The following EGFR variants were observed in gnomAD, a reference collection of about 807,000 sequenced individuals.
The protein encoded by EGFR is epidermal growth factor receptor.
EGFR carries 58 observed loss-of-function variants against 143.0 expected under a neutral mutation model. The ratio of observed to expected loss-of-function variants is 0.41; its 90% CI spans 0.33 to 0.50. The LOEUF is 0.50. Ranked by LOEUF, EGFR falls within the 20% of genes least tolerant of loss-of-function variation. EGFR has a pLI of 0.39. For missense variants in EGFR, 1,307 were observed against 1,579.0 expected (o/e 0.83, Z 2.92); for synonymous variants, 613 against 594.4 (o/e 1.03, Z -0.45).
At chr7:55,203,126 CACAT>C (rs1213863814) in intron 27 of EGFR, 2 of 252,870 alleles carry the variant, frequency 7.9e-6, no homozygotes, top group Non-Finnish European at 1.5e-5. Flanking sequence ...TACACATACA[CACAT>C]ATACACACAC....
chr7:55,145,909 A>G (rs1441538967), intron 3 of EGFR, among the ~76,000 whole-genome samples: 2 of 152,138 alleles, frequency 1.3e-5, no homozygotes, highest in Non-Finnish European at 2.9e-5. Context: ...GCACTTGCAC[A>G]GGGTTTTGTA....
At chr7:55,129,002 TTTTA>T (rs1793689527) in intron 1 of EGFR, among the ~76,000 whole-genome samples, 1 of 152,382 alleles carries the variant, frequency 6.6e-6, no homozygotes, top group South Asian at 2.1e-4. Context: ...ATTCAACAAT[TTTTA>T]TTTATCTTTT....
At position 55,152,655 on chromosome 7, in the gene EGFR, C is replaced by T. The variant is rs772130986; in HGVS notation, c.738C>T (p.Ser246=). The change falls in exon 6 of 28, where the codon AGC becomes AGT. Residue 246 remains serine (S), a synonymous_variant. Coordinates refer to ENST00000275493, the MANE Select transcript of EGFR (RefSeq NM_005228.5). Reference sequence around the variant, plus strand: ...CAGGCTGCACAGGCCCCCGGGAGAGCGACTGCCTGGTAAGATGCCCCTCCA... The same window carrying T: ...CAGGCTGCACAGGCCCCCGGGAGAGTGACTGCCTGGTAAGATGCCCCTCCA... ...CAAGCTGPRE[S]DCLVCRKFRD... 35 of 1,613,410 alleles carry T rather than the reference C, an allele frequency of 2.2e-5. No individual in the cohort carries two copies. The highest frequency in any genetic ancestry group is 2.3e-5 in the Non-Finnish European group (27 of 1,179,868).
intron 1 of EGFR, among the ~76,000 whole-genome samples, chr7:55,071,407 A>G (rs1464663772): frequency 1.3e-5 from 2 of 152,190 alleles, no homozygotes; most frequent in African/African-American, 4.8e-5. Flanking sequence ...TTCTTTTTTC[A>G]TTATTCGGAA....
chr7:55,138,859 G>T (rs1464978862), intron 1 of EGFR, among the ~76,000 whole-genome samples: 1 of 152,206 alleles, frequency 6.6e-6, no homozygotes, highest in Non-Finnish European at 1.5e-5. Context: ...ATTGGCATCT[G>T]CTTGGCAGCT....
At chr7:55,154,177 T>C (rs2128935264) in intron 7 of EGFR, 25 bp downstream of exon 7, 2 of 1,614,212 alleles carry the variant, frequency 1.2e-6, no homozygotes, top group Non-Finnish European at 1.7e-6. Context: ...GTGGGCCCTC[T>C]AACTGGTCAG....
chr7:55,132,220 G>A lies in EGFR; in HGVS notation c.89-10066G>A, dbSNP rs1201055503. Among the ~76,000 whole-genome samples the A allele has an allele frequency of 2.0e-5, 3 of 152,040 alleles. 1 individual carries two copies. Among genetic ancestry groups the A allele is most frequent in the Non-Finnish European group, 4.4e-5 (3 of 68,018 alleles). ...ATTTAAACCATCTTGGGCTAGGGGTGGATATGCACCACCCCACGGAAGCCA... is the reference window on the plus strand; with the variant it reads ...ATTTAAACCATCTTGGGCTAGGGGTAGATATGCACCACCCCACGGAAGCCA... On this transcript the variant is annotated intron_variant, in intron 1 of 27. Coordinates refer to ENST00000275493, the MANE Select transcript of EGFR (RefSeq NM_005228.5).
intron 1 of EGFR, among the ~76,000 whole-genome samples, chr7:55,071,700 T>C (rs1789842135): frequency 6.6e-6 from 1 of 152,270 alleles, no homozygotes; most frequent in Non-Finnish European, 1.5e-5. Context: ...GATATTTTTC[T>C]GCTTATATAC....
At chr7:55,042,861 G>A (rs1240354037) in intron 1 of EGFR, among the ~76,000 whole-genome samples, 1 of 152,140 alleles carries the variant, frequency 6.6e-6, no homozygotes, top group Non-Finnish European at 1.5e-5. Context: ...AATTAGCATT[G>A]CAAATGACTT....
chr7:55,119,645 G>C (rs1793078530), intron 1 of EGFR, among the ~76,000 whole-genome samples: 1 of 152,196 alleles, frequency 6.6e-6, no homozygotes, highest in Admixed American at 6.5e-5. Context: ...TACATCTGTG[G>C]GATTCCCCTC....
chr7:55,146,238 C>A lies in EGFR; in HGVS notation c.425-368C>A, dbSNP rs968729688. On this transcript the variant is annotated intron_variant, in intron 3 of 27. Coordinates refer to ENST00000275493, the MANE Select transcript of EGFR (RefSeq NM_005228.5). Reference sequence around the variant, plus strand: ...TAGCACTCAGGAACTGCCTCCCTGCCCTGCCTACCCCCTACATCATGCGAC... The same window carrying A: ...TAGCACTCAGGAACTGCCTCCCTGCACTGCCTACCCCCTACATCATGCGAC... Among the ~76,000 whole-genome samples the A allele has an allele frequency of 4.6e-5, 7 of 152,198 alleles. No individual in the cohort carries two copies. In the South Asian group the frequency reaches 1.2e-3, roughly 27 times the overall value.
At chr7:55,136,212 A>G (rs956950769) in intron 1 of EGFR, among the ~76,000 whole-genome samples, 4 of 152,234 alleles carry the variant, frequency 2.6e-5, no homozygotes, top group Non-Finnish European at 4.4e-5. Flanking sequence ...AGTTCATCCT[A>G]TAAATGAACT....
At chr7:55,173,226 T>C in intron 17 of EGFR, 102 bp downstream of exon 17, 1 of 1,486,020 alleles carries the variant, frequency 6.7e-7, no homozygotes, top group Non-Finnish European at 9.1e-7. Context: ...GTTAGATACA[T>C]AATTGTATTA....
intron 1 of EGFR, among the ~76,000 whole-genome samples, chr7:55,027,987 AAAAAATATAT>A (rs1258532931): frequency 7.7e-4 from 61 of 79,130 alleles, no homozygotes; most frequent in South Asian, 1.7e-3. Flanking sequence ...AAAAAAAAAA[AAAAAATATAT>A]ATATATATAT....
chr7:55,106,787 G>T (rs551581719), intron 1 of EGFR, among the ~76,000 whole-genome samples: 10 of 152,180 alleles, frequency 6.6e-5, no homozygotes, highest in African/African-American at 2.2e-4. Context: ...CCTCAAAGCT[G>T]CATTGTAAAA....
chr7:55,100,718 C>T (rs1303209770), intron 1 of EGFR, among the ~76,000 whole-genome samples: 1 of 152,174 alleles, frequency 6.6e-6, no homozygotes, highest in East Asian at 1.9e-4. Context: ...TCCTGGGACA[C>T]GCAGACAGGA....
chr7:55,019,402 G>A lies in EGFR; in HGVS notation c.88+37G>A, dbSNP rs765582924. On this transcript the variant is annotated intron_variant, in intron 1 of 27. Coordinates refer to ENST00000275493, the MANE Select transcript of EGFR (RefSeq NM_005228.5). ...TCTCGCCGGCTCCCGCGCCGCCCCC[G>A]GATCGCGCCCCGGACCCCGCAGCCC... is the stretch of plus-strand genomic sequence containing the variant. 4.1e-5 allele frequency: 55 copies of A among 1,335,370 alleles called. 1 individual carries two copies. In the African/African-American group the frequency reaches 7.5e-4, roughly 18 times the overall value. 82.7% of individuals were successfully genotyped at this position (1,335,370 alleles called of 1,614,324 possible).
At chr7:55,146,841 A>C in intron 4 of EGFR, 101 bp downstream of exon 4, 1 of 1,516,582 alleles carries the variant, frequency 6.6e-7, no homozygotes, top group Non-Finnish European at 9.0e-7. Flanking sequence ...AAGTCACATT[A>C]ATCAGAAACA....
At chr7:55,020,403 G>A (rs1282713976) in intron 1 of EGFR, among the ~76,000 whole-genome samples, 1 of 152,330 alleles carries the variant, frequency 6.6e-6, no homozygotes. Flanking sequence ...ACTCTTGAGC[G>A]GAAGCCCCGG....
Sources: gnomAD v4.1 joint callset for allele counts (sites outside exome capture counted in the v4.1 genomes callset) on GRCh38, gnomAD v4.1.1 for gene constraint, MANE v1.5 for transcripts, NCBI Gene and HGNC (gene_info 2026-07-23, HGNC 2026-07-21) for gene names.